AMOTL1: variants seen among roughly 807,000 people sequenced by gnomAD.
AMOTL1 encodes angiomotin-like protein 1.
Under a neutral mutation model 102.9 loss-of-function variants are expected in AMOTL1, and 45 were observed. That is an observed-to-expected ratio of 0.44 (90% CI 0.34 to 0.56). AMOTL1 has a LOEUF of 0.56. AMOTL1 is among the 20% of genes least tolerant of loss of function. The probability of loss-of-function intolerance (pLI) is 0.01; values close to 1 mark genes in which losing one functional copy is unlikely to be tolerated. For missense variants in AMOTL1, 1,114 were observed against 1,225.6 expected, an observed-to-expected ratio of 0.91 and a Z score of 1.36; for synonymous variants, 481 against 484.7, an observed-to-expected ratio of 0.99 and a Z score of 0.10.
chr11:94,723,206 T>C (rs1041643461), intron 1 of AMOTL1, among the ~76,000 whole-genome samples: 2 of 152,144 alleles, frequency 1.3e-5, no homozygotes, highest in Non-Finnish European at 2.9e-5. Flanking sequence ...GAACAAGATG[T>C]GATTTTATCC....
intron 3 of AMOTL1, among the ~76,000 whole-genome samples, chr11:94,809,622 G>A (rs1951635422): frequency 6.6e-6 from 1 of 152,206 alleles, no homozygotes; most frequent in Admixed American, 6.5e-5. Flanking sequence ...TTAGCAGTGT[G>A]TGATGATAAC....
intron 1 of AMOTL1, among the ~76,000 whole-genome samples, chr11:94,719,054 T>C (rs114950793): frequency 0.011 from 1,735 of 152,104 alleles, 33 homozygotes; most frequent in African/African-American, 0.04. Context: ...TGAATAGGAA[T>C]CCACTTAAAA....
At chr11:94,845,835 G>C (rs971950124) in intron 6 of AMOTL1, among the ~76,000 whole-genome samples, 2 of 152,224 alleles carry the variant, frequency 1.3e-5, no homozygotes, top group African/African-American at 4.8e-5. Context: ...ACACAGTTCA[G>C]GGTAGTTCAT....
At chr11:94,858,396 C>T (rs1458321895) in intron 8 of AMOTL1, among the ~76,000 whole-genome samples, 1 of 152,126 alleles carries the variant, frequency 6.6e-6, no homozygotes, top group East Asian at 1.9e-4. Flanking sequence ...ATTTGGTTTA[C>T]AAAAAACCCA....
chr11:94,850,885 G>T (rs1288392615), intron 7 of AMOTL1, among the ~76,000 whole-genome samples: 3 of 152,196 alleles, frequency 2.0e-5, no homozygotes, highest in Non-Finnish European at 4.4e-5. Flanking sequence ...TTAGCTTGTT[G>T]CTGGGCACAA....
chr11:94,866,253 C>A (rs552610646), intron 11 of AMOTL1, 85 bp downstream of exon 11: 1 of 1,331,350 alleles, frequency 7.5e-7, no homozygotes, highest in Non-Finnish European at 1.0e-6. Flanking sequence ...GGAAATGTCC[C>A]TGAATAGTTC....
At chr11:94,725,727 G>GTCTTGCTAGAGC (rs2135451105) in intron 1 of AMOTL1, among the ~76,000 whole-genome samples, 1 of 152,268 alleles carries the variant, frequency 6.6e-6, no homozygotes, top group East Asian at 1.9e-4. Flanking sequence ...AGGAAGAACA[G>GTCTTGCTAGAGC]TCTTGCTAGA....
chr11:94,784,526 A>G (rs1327673287), intron 1 of AMOTL1, among the ~76,000 whole-genome samples: 1 of 152,230 alleles, frequency 6.6e-6, no homozygotes, highest in Non-Finnish European at 1.5e-5. Context: ...AATTTATTGA[A>G]AAGTAATAAA....
At chr11:94,850,371 G>A (rs1952509563) in intron 7 of AMOTL1, 112 bp downstream of exon 7, 2 of 1,340,542 alleles carry the variant, frequency 1.5e-6, no homozygotes, top group Non-Finnish European at 2.0e-6. Context: ...CCAAGGAGTT[G>A]AGACAGGGGA....
chr11:94,712,909 C>T (rs190937679), intron 1 of AMOTL1, among the ~76,000 whole-genome samples: 11 of 151,998 alleles, frequency 7.2e-5, no homozygotes, highest in African/African-American at 2.4e-4. Flanking sequence ...AACTTTTTGC[C>T]TAGCCCCAGT....
chr11:94,810,087 C>G (rs1951645620), intron 3 of AMOTL1, among the ~76,000 whole-genome samples: 1 of 152,152 alleles, frequency 6.6e-6, no homozygotes, highest in East Asian at 1.9e-4. Flanking sequence ...CTACATAGCC[C>G]TAAATTTGCA....
At chr11:94,814,032 C>T (rs897183576) in intron 3 of AMOTL1, among the ~76,000 whole-genome samples, 1 of 152,198 alleles carries the variant, frequency 6.6e-6, no homozygotes, top group Non-Finnish European at 1.5e-5. Context: ...CTACAACTCC[C>T]TCCCCTTCTA....
At chr11:94,807,089 G>A (rs190022307) in intron 3 of AMOTL1, among the ~76,000 whole-genome samples, 70 of 151,938 alleles carry the variant, frequency 4.6e-4, no homozygotes, top group African/African-American at 1.1e-3. Context: ...GATTTTCTTC[G>A]TTCGATAAAT....
Position 94,830,342 on chromosome 11 carries a change from A to C in AMOTL1, c.1558+148A>C, listed in dbSNP as rs142611553. The C allele has an allele frequency of 6.1e-4, 465 of 763,914 alleles. 3 individuals carry two copies. In the African/African-American group the frequency reaches 7.9e-3, roughly 13 times the overall value. The allele number at this position is 763,914 out of a possible 1,614,324, so 47.3% of individuals were successfully genotyped here. On this transcript the variant is annotated intron_variant, in intron 5 of 12. Transcript: ENST00000433060. ...TGTATTTCAATGATCTGGGGAAGGG[A>C]GGAGGTGCTCAAAAAGCAGAATTGT...
intron 4 of AMOTL1, among the ~76,000 whole-genome samples, chr11:94,822,435 AAAAT>A (rs147602156): frequency 0.022 from 3,334 of 152,304 alleles, 123 homozygotes; most frequent in African/African-American, 0.077. Flanking sequence ...TCAAAAATAA[AAAAT>A]AAATAAAACC....
At chr11:94,834,163 G>T (rs530176296) in intron 6 of AMOTL1, among the ~76,000 whole-genome samples, 1 of 152,296 alleles carries the variant, frequency 6.6e-6, no homozygotes, top group East Asian at 1.9e-4. Flanking sequence ...AAACCCTATT[G>T]TTAGAGTAAA....
intron 3 of AMOTL1, among the ~76,000 whole-genome samples, chr11:94,806,214 TG>T (rs1490656158): frequency 5.3e-5 from 8 of 152,228 alleles, no homozygotes; most frequent in African/African-American, 1.9e-4. Context: ...AGCCCAGCAG[TG>T]CAGCAAGTCC....
At chr11:94,728,778 C>A in intron 1 of AMOTL1, 1 of 360,388 alleles carries the variant, frequency 2.8e-6, no homozygotes, top group Non-Finnish European at 5.2e-6. Context: ...TCAGGCCATA[C>A]CCAAATCTAG....
rs989674262 is a variant in AMOTL1, at chr11:94,840,675, TATATATACACAC to T, written c.1648+9136_1648+9147del. Among the ~76,000 whole-genome samples the T allele has an allele frequency of 2.3e-4, 29 of 128,198 alleles. No homozygotes were observed. The East Asian group carries it at 6.1e-3, about 27-fold the overall frequency. The allele number at this position is 128,198 out of a possible 152,430, so 84.1% of individuals were successfully genotyped here. On this transcript the variant is annotated intron_variant, in intron 6 of 12. Transcript: ENST00000433060. ...AAACGTATATATATATATATATATA[TATATATACACAC>T]ACACACACACACACACACACATATA...
Sources: allele counts gnomAD v4.1 joint callset (sites outside exome capture counted in the v4.1 genomes callset), GRCh38; gene constraint gnomAD v4.1.1; transcripts MANE v1.5; gene names NCBI Gene and HGNC (gene_info 2026-07-23, HGNC 2026-07-21).